Variants in LRRIQ1 observed in about 807,000 individuals in gnomAD.
LRRIQ1 encodes the protein leucine-rich repeat- and IQ domain-containing protein 1.
LRRIQ1 carries 210 observed loss-of-function variants against 211.9 expected under a neutral mutation model. The ratio of observed to expected loss-of-function variants is 0.99; its 90% CI spans 0.89 to 1.11. The LOEUF is 1.11. Among genes scored for constraint, LRRIQ1 ranks in the 50% most tolerant of loss-of-function variants. The probability of loss-of-function intolerance (pLI) is 0.00; values close to 1 mark genes in which losing one functional copy is unlikely to be tolerated. For missense variants in LRRIQ1, 2,136 were observed against 1,939.5 expected, an observed-to-expected ratio of 1.10 and a Z score of -1.90; for synonymous variants, 699 against 650.1, an observed-to-expected ratio of 1.08 and a Z score of -1.14.
chr12:85,244,100 T>C (rs1895602118), intron 26 of LRRIQ1, among the ~76,000 whole-genome samples: 1 of 151,646 alleles, frequency 6.6e-6, no homozygotes, highest in Non-Finnish European at 1.5e-5. Flanking sequence ...TTCAACATTA[T>C]GTACAACACT....
intron 17 of LRRIQ1, 157 bp downstream of exon 17, chr12:85,124,676 C>T: frequency 3.3e-6 from 2 of 609,532 alleles, no homozygotes; most frequent in South Asian, 2.0e-5. Flanking sequence ...ATTATGTTTT[C>T]ATGAGGTGCA....
chr12:85,090,669 T>C (rs1172185640), intron 11 of LRRIQ1, among the ~76,000 whole-genome samples: 1 of 152,246 alleles, frequency 6.6e-6, no homozygotes, highest in Non-Finnish European at 1.5e-5. Flanking sequence ...TACCCAGTTC[T>C]GATACTTTCA....
chr12:85,196,311 A>G (rs1278644189), intron 24 of LRRIQ1, among the ~76,000 whole-genome samples: 1 of 152,158 alleles, frequency 6.6e-6, no homozygotes, highest in Non-Finnish European at 1.5e-5. Flanking sequence ...TTCTTCACAG[A>G]ATTGGAAAAA....
At chr12:85,037,716 A>T (rs1252799465) in intron 1 of LRRIQ1, among the ~76,000 whole-genome samples, 1 of 152,078 alleles carries the variant, frequency 6.6e-6, no homozygotes, top group Admixed American at 6.6e-5. Context: ...AACTAGTGTC[A>T]TGAAAAATAA....
At chr12:85,083,329 C>T (rs1484562477) in intron 11 of LRRIQ1, among the ~76,000 whole-genome samples, 3 of 151,774 alleles carry the variant, frequency 2.0e-5, no homozygotes, top group South Asian at 2.1e-4. Context: ...CATAGCAGCT[C>T]TTTTGGAAAT....
intron 25 of LRRIQ1, among the ~76,000 whole-genome samples, chr12:85,232,165 AAATAT>A (rs1375879043): frequency 5.3e-5 from 8 of 152,076 alleles, no homozygotes; most frequent in East Asian, 3.8e-4. Context: ...TCTCCTTTGA[AAATAT>A]AATATATTAA....
At position 85,098,933 on chromosome 12, in the gene LRRIQ1, G is replaced by C. The variant is rs1399235614; in HGVS notation, c.3148G>C (p.Val1050Leu). 5 of 1,573,260 alleles carry C rather than the reference G, an allele frequency of 3.2e-6. No homozygotes were observed. The highest frequency in any genetic ancestry group is 4.3e-6 in the Non-Finnish European group (5 of 1,156,822). ...CTTGGATGATAACAGCATTTCAACT[G>C]TGGAAGCATTTTCTTCATACTGGCT... ...LHLDDNSISTVEAFSSYWLPL... is the reference protein window; with the variant it reads ...LHLDDNSISTLEAFSSYWLPL... The change falls in exon 13 of 27, where the codon GTG becomes CTG. Residue 1050 changes from valine to leucine, a missense_variant. Val to Leu is a conservative substitution (Grantham distance 32, BLOSUM62 1). Coordinates refer to ENST00000393217, the MANE Select transcript of LRRIQ1 (RefSeq NM_001079910.2).
rs71076115 is a variant in LRRIQ1 at position 85,174,701 on chromosome 12, C to CAAAAAAAAAAAAAAAAAAAAA, written c.4822+13989_4822+14009dup. Among the ~76,000 whole-genome samples the CAAAAAAAAAAAAAAAAAAAAA allele has an allele frequency of 5.6e-3, 121 of 21,554 alleles. 9 individuals are homozygous for CAAAAAAAAAAAAAAAAAAAAA. The highest frequency in any genetic ancestry group is 7.6e-3 in the Non-Finnish European group (98 of 12,934). 14.1% of individuals were successfully genotyped at this position (21,554 alleles called of 152,430 possible). ...TGGGTGACAGAGCAAGAGTACAGCT[C>CAAAAAAAAAAAAAAAAAAAAA]AAAAAAAAAAAAAAAAAAAAAATCT... On this transcript the variant is annotated intron_variant, in intron 24 of 26. Coordinates refer to ENST00000393217, the MANE Select transcript of LRRIQ1 (RefSeq NM_001079910.2).
At chr12:85,057,890 A>G (rs1214946200) in intron 8 of LRRIQ1, among the ~76,000 whole-genome samples, 3 of 152,072 alleles carry the variant, frequency 2.0e-5, no homozygotes, top group Non-Finnish European at 2.9e-5. Flanking sequence ...CTAAGGCCTG[A>G]AAGTCAAAAG....
chr12:85,180,856 T>C (rs887087220), intron 24 of LRRIQ1, among the ~76,000 whole-genome samples: 1 of 151,004 alleles, frequency 6.6e-6, no homozygotes, highest in African/African-American at 2.4e-5. Context: ...TATGGTGTGT[T>C]TGTGTGTGTG....
At chr12:85,150,835 A>C (rs1397010621) in intron 19 of LRRIQ1, among the ~76,000 whole-genome samples, 1 of 151,706 alleles carries the variant, frequency 6.6e-6, no homozygotes, top group Non-Finnish European at 1.5e-5. Flanking sequence ...TTGAATTTTT[A>C]ATTGACAAAT....
chr12:85,223,827 T>C (rs1894519979), intron 24 of LRRIQ1, among the ~76,000 whole-genome samples: 1 of 152,092 alleles, frequency 6.6e-6, no homozygotes, highest in Non-Finnish European at 1.5e-5. Flanking sequence ...ACAAAAAAGA[T>C]ATTTTACAAT....
At chr12:85,112,169 T>G (rs1262441107) in intron 15 of LRRIQ1, among the ~76,000 whole-genome samples, 1 of 152,018 alleles carries the variant, frequency 6.6e-6, no homozygotes, top group East Asian at 1.9e-4. Context: ...CATTTTATTA[T>G]ATCCTTGGAT....
chr12:85,264,358 A>G (rs997230587), exon 2 of LRRIQ1: 2 of 151,982 alleles, frequency 1.3e-5, no homozygotes, highest in African/African-American at 4.8e-5. Context: ...AACCTGTGTA[A>G]TTGTTTCATA....
At chr12:85,058,048 T>C (rs1304430982) in intron 8 of LRRIQ1, among the ~76,000 whole-genome samples, 1 of 151,828 alleles carries the variant, frequency 6.6e-6, no homozygotes, top group African/African-American at 2.4e-5. Context: ...CAATATTTAT[T>C]GGTTGACTAA....
intron 1 of LRRIQ1, among the ~76,000 whole-genome samples, chr12:85,257,840 T>C (rs982138241): frequency 6.6e-6 from 1 of 151,886 alleles, no homozygotes; most frequent in Non-Finnish European, 1.5e-5. Flanking sequence ...TGAAGACTTT[T>C]TTTTTAGCAC....
At chr12:85,199,608 G>C (rs1248988161) in intron 24 of LRRIQ1, among the ~76,000 whole-genome samples, 1 of 152,166 alleles carries the variant, frequency 6.6e-6, no homozygotes, top group Non-Finnish European at 1.5e-5. Context: ...AGGTTGAATT[G>C]ACTCACAATT....
chr12:85,176,758 A>T (rs931274695), intron 24 of LRRIQ1, among the ~76,000 whole-genome samples: 2 of 120,146 alleles, frequency 1.7e-5, no homozygotes, highest in Non-Finnish European at 3.4e-5. Context: ...ATAAAAAAAA[A>T]TTTTAAAAAA....
intron 24 of LRRIQ1, among the ~76,000 whole-genome samples, chr12:85,221,143 G>A (rs1035290344): frequency 1.3e-5 from 2 of 151,898 alleles, no homozygotes; most frequent in African/African-American, 4.8e-5. Flanking sequence ...ACCATTAGTT[G>A]TTAATTTTTA....
Sources: gnomAD v4.1 joint callset for allele counts (sites outside exome capture counted in the v4.1 genomes callset) on GRCh38, gnomAD v4.1.1 for gene constraint, MANE v1.5 for transcripts, NCBI Gene and HGNC (gene_info 2026-07-23, HGNC 2026-07-21) for gene names.